GSG1L: variants seen among roughly 807,000 people sequenced by gnomAD.
GSG1L encodes germ cell-specific gene 1-like protein.
In GSG1L, 24 loss-of-function variants were observed where a neutral mutation model predicts 42.1. The ratio of observed to expected loss-of-function variants is 0.57; its 90% CI spans 0.41 to 0.80. GSG1L has a LOEUF of 0.80. Ranked by LOEUF, GSG1L falls within the 30% of genes least tolerant of loss-of-function variation. The probability of loss-of-function intolerance (pLI) is 0.00; values close to 1 mark genes in which losing one functional copy is unlikely to be tolerated. For missense variants in GSG1L, 445 were observed against 472.2 expected, an observed-to-expected ratio of 0.94 and a Z score of 0.53; for synonymous variants, 215 against 203.5, an observed-to-expected ratio of 1.06 and a Z score of -0.48.
rs574449906 is a variant in GSG1L, at chr16:27,796,420, G to A, written c.899-4953C>T. Among the ~76,000 whole-genome samples the A allele has an allele frequency of 1.3e-3, 200 of 152,344 alleles. 1 individual carries two copies. The highest frequency in any genetic ancestry group is 4.4e-3 in the African/African-American group (183 of 41,578). On this transcript the variant is annotated intron_variant, in intron 6 of 6. Coordinates refer to ENST00000447459, the MANE Select transcript of GSG1L (RefSeq NM_001109763.2). ...ATCTCTACCATGAGAGGGCTTCAGA[G>A]GTGTCATCACATATGGGAATATCTG...
Position 27,979,661 on chromosome 16 carries a change from A to AAGAAAGAAAGAAAGAGAG in GSG1L, c.350-16459_350-16458insCTCTCTTTCTTTCTTTCT, listed in dbSNP as rs368394279. Among the ~76,000 whole-genome samples, 33 of 67,716 alleles carry AAGAAAGAAAGAAAGAGAG rather than the reference A, an allele frequency of 4.9e-4. 2 individuals are homozygous for AAGAAAGAAAGAAAGAGAG. The highest frequency in any genetic ancestry group is 2.9e-3 in the South Asian group (3 of 1,048). The allele number at this position is 67,716 out of a possible 152,430, so 44.4% of individuals were successfully genotyped here. ...GGGAGGGGAAAGAAAGAAAGAAAGA[A>AAGAAAGAAAGAAAGAGAG]AGAGAGAGAGAGAGAGAGAAAGAAA... On this transcript the variant is annotated intron_variant, in intron 1 of 6. Coordinates refer to ENST00000447459, the MANE Select transcript of GSG1L (RefSeq NM_001109763.2).
At chr16:27,800,680 G>A (rs1005159169) in intron 6 of GSG1L, among the ~76,000 whole-genome samples, 1 of 152,162 alleles carries the variant, frequency 6.6e-6, no homozygotes, top group African/African-American at 2.4e-5. Context: ...AACATCTTTG[G>A]GGACAGTTAG....
intron 1 of GSG1L, among the ~76,000 whole-genome samples, chr16:27,988,795 C>A (rs1322056330): frequency 4.7e-5 from 7 of 150,010 alleles, no homozygotes; most frequent in African/African-American, 1.5e-4. Context: ...TGGCTCACGT[C>A]TGTAATCCCA....
At chr16:28,055,083 C>T (rs1204718466) in intron 1 of GSG1L, among the ~76,000 whole-genome samples, 2 of 152,198 alleles carry the variant, frequency 1.3e-5, no homozygotes, top group East Asian at 1.9e-4. Context: ...GTCCAGCCTC[C>T]AGGAGCCCAG....
intron 5 of GSG1L, among the ~76,000 whole-genome samples, chr16:27,812,676 C>G (rs973212622): frequency 6.6e-6 from 1 of 152,070 alleles, no homozygotes; most frequent in African/African-American, 2.4e-5. Context: ...GGTGCAGGGA[C>G]CAGCGGAGGC....
At chr16:28,061,707 G>A (rs865792411) in intron 1 of GSG1L, among the ~76,000 whole-genome samples, 12 of 152,236 alleles carry the variant, frequency 7.9e-5, no homozygotes, top group Admixed American at 2.0e-4. Context: ...ATGTCAGGGA[G>A]TGCCAAGTGT....
At chr16:28,062,511 C>G (rs573703029) in intron 1 of GSG1L, among the ~76,000 whole-genome samples, 1 of 152,256 alleles carries the variant, frequency 6.6e-6, no homozygotes, top group Admixed American at 6.5e-5. Flanking sequence ...TGCGGCTTTC[C>G]GGGAGCCCGC....
intron 2 of GSG1L, among the ~76,000 whole-genome samples, chr16:27,902,051 A>G (rs1428371515): frequency 1.3e-5 from 2 of 152,010 alleles, no homozygotes; most frequent in African/African-American, 4.8e-5. Context: ...CCCCTATTGT[A>G]CTATCCCCTC....
chr16:28,034,833 A>T (rs1446584669), intron 1 of GSG1L, among the ~76,000 whole-genome samples: 2 of 152,198 alleles, frequency 1.3e-5, no homozygotes, highest in Non-Finnish European at 2.9e-5. Flanking sequence ...AAATGTCTCC[A>T]GATATTGACA....
intron 3 of GSG1L, among the ~76,000 whole-genome samples, chr16:27,859,898 T>C (rs1258984245): frequency 2.0e-5 from 3 of 151,936 alleles, no homozygotes; most frequent in Admixed American, 6.6e-5. Context: ...GCTAGGCTTA[T>C]CTGGAACTCT....
intron 1 of GSG1L, among the ~76,000 whole-genome samples, chr16:27,992,994 T>C (rs1278239308): frequency 6.6e-6 from 1 of 152,196 alleles, no homozygotes; most frequent in Non-Finnish European, 1.5e-5. Context: ...TGCCAGGTGC[T>C]ACTGAAATGT....
intron 4 of GSG1L, among the ~76,000 whole-genome samples, chr16:27,836,655 C>G (rs941582858): frequency 1.3e-5 from 2 of 152,074 alleles, no homozygotes; most frequent in African/African-American, 4.8e-5. Flanking sequence ...AACCATTGAG[C>G]TTTCTATTTT....
chr16:28,028,056 G>A, intron 1 of GSG1L, among the ~76,000 whole-genome samples: 1 of 152,122 alleles, frequency 6.6e-6, no homozygotes, highest in East Asian at 1.9e-4. Context: ...CCAGGCATTT[G>A]GCTGGTCACG....
chr16:27,977,194 A>G (rs2085260277), intron 1 of GSG1L, among the ~76,000 whole-genome samples: 2 of 152,242 alleles, frequency 1.3e-5, no homozygotes, highest in Admixed American at 1.3e-4. Flanking sequence ...ACCCAAGGTG[A>G]CACAGCCACT....
At chr16:27,841,912 G>C (rs563796877) in intron 4 of GSG1L, among the ~76,000 whole-genome samples, 1 of 152,192 alleles carries the variant, frequency 6.6e-6, no homozygotes, top group Non-Finnish European at 1.5e-5. Flanking sequence ...TCTGGAAAGG[G>C]GGACTCATGG....
At chr16:27,856,900 T>C (rs1000137240) in intron 3 of GSG1L, among the ~76,000 whole-genome samples, 4 of 152,140 alleles carry the variant, frequency 2.6e-5, no homozygotes, top group Admixed American at 2.6e-4. Context: ...AGGTGGGCTC[T>C]AAAAGTGTCC....
chr16:28,035,225 A>G (rs1033185983), intron 1 of GSG1L, among the ~76,000 whole-genome samples: 6 of 151,936 alleles, frequency 3.9e-5, no homozygotes, highest in African/African-American at 1.5e-4. Context: ...GGGTCTCACT[A>G]TGTTGCTCAG....
At chr16:28,006,448 A>G (rs1055471872) in intron 1 of GSG1L, among the ~76,000 whole-genome samples, 1 of 151,924 alleles carries the variant, frequency 6.6e-6, no homozygotes, top group African/African-American at 2.4e-5. Flanking sequence ...GACTGTGACT[A>G]CAGGCACACA....
intron 1 of GSG1L, among the ~76,000 whole-genome samples, chr16:28,046,178 G>A (rs1365172040): frequency 6.6e-6 from 1 of 151,950 alleles, no homozygotes; most frequent in Admixed American, 6.6e-5. Context: ...ATCACCAGAT[G>A]CCAAAAAACA....
Sources: allele counts gnomAD v4.1 joint callset (sites outside exome capture counted in the v4.1 genomes callset), GRCh38; gene constraint gnomAD v4.1.1; transcripts MANE v1.5; gene names NCBI Gene and HGNC (gene_info 2026-07-23, HGNC 2026-07-21).